Variants in ZNF680 observed in about 807,000 individuals in gnomAD.
ZNF680 encodes the protein hypothetical protein FLJ90430.
A neutral mutation model predicts 12.1 loss-of-function variants in ZNF680; 6 were observed. That is an observed-to-expected ratio of 0.49 (90% CI 0.27 to 0.98). The LOEUF (loss-of-function observed/expected upper bound fraction) is 0.98. ZNF680 is among the 50% of genes least tolerant of loss of function. ZNF680 has a pLI of 0.12. For synonymous variants in ZNF680, 170 were observed against 199.3 expected, an observed-to-expected ratio of 0.85 and a Z score of 1.24; for missense variants, 561 against 616.3, an observed-to-expected ratio of 0.91 and a Z score of 0.95.
chr7:64,521,939 C>A lies in ZNF680; in HGVS notation c.815G>T (p.Gly272Val). ...EEKPFKCEEC[G>V]KAFSLFSILS... is the part of the protein sequence containing the mutation. ...GATTGAGAATAAACTAAAGGCTTTG[C>A]CACATTCTTCACATTTGAAGGGTTT... Residue 272 changes from glycine (G) to valine (V), a missense_variant, in exon 4 of 4, where the codon GGC becomes GTC. Physicochemically the swap from Gly to Val is moderately radical, Grantham distance 109. Coordinates refer to ENST00000309683, the MANE Select transcript of ZNF680 (RefSeq NM_178558.5). The A allele has an allele frequency of 6.2e-7, 1 of 1,612,864 alleles. No homozygotes were observed. Among genetic ancestry groups the A allele is most frequent in the Non-Finnish European group, 8.5e-7 (1 of 1,179,524 alleles).
intron 3 of ZNF680, among the ~76,000 whole-genome samples, chr7:64,543,413 C>T (rs1333993670): frequency 6.6e-6 from 1 of 152,090 alleles, no homozygotes; most frequent in Admixed American, 6.6e-5. Context: ...TTGTGTGTCC[C>T]TAAAACAATG....
the ZNF680 span, among the ~76,000 whole-genome samples, chr7:64,514,702 C>T: frequency 6.6e-6 from 1 of 151,898 alleles, no homozygotes; most frequent in Non-Finnish European, 1.5e-5. Context: ...ACAAAATAAA[C>T]TAAACTAATA....
intron 2 of ZNF680, 183 bp downstream of exon 2, chr7:64,544,123 G>T: frequency 1.2e-6 from 1 of 828,496 alleles, no homozygotes; most frequent in Non-Finnish European, 1.8e-6. Context: ...AATGTGGAAA[G>T]TTCAGGTCAA....
chr7:64,547,998 G>C (rs1435895597), intron 1 of ZNF680, among the ~76,000 whole-genome samples: 4 of 152,084 alleles, frequency 2.6e-5, no homozygotes, highest in African/African-American at 9.7e-5. Flanking sequence ...CCTAAGTAAG[G>C]CCTCCAAAAA....
chr7:64,521,414 G>A lies in ZNF680; in HGVS notation c.1340C>T (p.Ser447Leu), dbSNP rs1235029861. Residue 447 changes from serine to leucine, a missense_variant, in exon 4 of 4, where the codon TCA becomes TTA. Transcript: ENST00000309683. ...EECGKGFTLF[S>L]TLTNHKVIHT... is the part of the protein sequence containing the mutation. ...AATTACTTTATGGTTAGTAAGGGTT[G>A]AAAATAAAGTAAAGCCTTTGCCACA... The A allele has an allele frequency of 5.0e-6, 8 of 1,613,474 alleles. No individual in the cohort carries two copies. In the Admixed American group the frequency reaches 5.0e-5, roughly 10 times the overall value.
chr7:64,499,666 C>T, the ZNF680 span, among the ~76,000 whole-genome samples: 1 of 152,110 alleles, frequency 6.6e-6, no homozygotes, highest in Non-Finnish European at 1.5e-5. Flanking sequence ...ATTGCTTGAA[C>T]CAAGGAGGTG....
intron 1 of ZNF680, among the ~76,000 whole-genome samples, chr7:64,547,461 C>A (rs567956089): frequency 1.3e-5 from 2 of 152,134 alleles, no homozygotes; most frequent in Non-Finnish European, 2.9e-5. Context: ...ACTAGCGTAA[C>A]GTTTATTAAG....
chr7:64,537,629 T>G (rs573634718), intron 3 of ZNF680, among the ~76,000 whole-genome samples: 1 of 152,036 alleles, frequency 6.6e-6, no homozygotes, highest in South Asian at 2.1e-4. Flanking sequence ...TATAAAGAGA[T>G]AAAAAACAGA....
At chr7:64,544,095 G>A in intron 2 of ZNF680, 2 of 674,428 alleles carry the variant, frequency 3.0e-6, no homozygotes, top group Non-Finnish European at 4.7e-6. Context: ...TAGAGTGAAG[G>A]ACATAGATCA....
At chr7:64,534,561 T>G (rs1268988398) in intron 3 of ZNF680, among the ~76,000 whole-genome samples, 2 of 152,140 alleles carry the variant, frequency 1.3e-5, no homozygotes, top group Admixed American at 1.3e-4. Flanking sequence ...ACACTGCTGG[T>G]GGGAATGTAA....
the ZNF680 span, among the ~76,000 whole-genome samples, chr7:64,509,608 A>G: frequency 2.0e-5 from 3 of 152,182 alleles, no homozygotes; most frequent in Admixed American, 2.0e-4. Context: ...CCTTCATTAA[A>G]AAATCTTGCC....
the ZNF680 span, among the ~76,000 whole-genome samples, chr7:64,508,142 T>TATATATATATATATATATATATATATAC: frequency 1.8e-3 from 199 of 112,082 alleles, 6 homozygotes; most frequent in East Asian, 0.013. Context: ...TATATATATA[T>TATATATATATATATATATATATATATAC]ACATAATTTT....
intron 3 of ZNF680, among the ~76,000 whole-genome samples, chr7:64,539,705 C>T (rs1786396798): frequency 6.6e-6 from 1 of 152,176 alleles, no homozygotes; most frequent in Admixed American, 6.5e-5. Flanking sequence ...AGCTGGAGTG[C>T]AGTGGCACAA....
the ZNF680 span, among the ~76,000 whole-genome samples, chr7:64,504,407 A>G: frequency 1.3e-5 from 2 of 152,162 alleles, no homozygotes; most frequent in Non-Finnish European, 2.9e-5. Flanking sequence ...ATTTATTGAT[A>G]ATATACAATT....
chr7:64,550,913 T>A (rs190069998), intron 1 of ZNF680, among the ~76,000 whole-genome samples: 109 of 152,286 alleles, frequency 7.2e-4, no homozygotes, highest in Non-Finnish European at 1.3e-3. Flanking sequence ...TTGGGAAATA[T>A]AATTAAAAGA....
rs1028388631 is a variant in ZNF680, at chr7:64,537,354, T to C, written c.253+6353A>G. 8.5e-4 allele frequency among the ~76,000 whole-genome samples: 129 copies of C among 152,068 alleles called. 2 individuals are homozygous for C. Among genetic ancestry groups the C allele is most frequent in the Non-Finnish European group, 2.2e-4 (15 of 68,028 alleles). ...ATTTAATTTAAAATAAAATAAAACA[T>C]ACTCTTTGACATAGTTTTGCTCAAG... On this transcript the variant is annotated intron_variant, in intron 3 of 3. Coordinates refer to ENST00000309683, the MANE Select transcript of ZNF680 (RefSeq NM_178558.5).
rs1791469505 is a variant in ZNF680, at chr7:64,520,466, A to C, written c.*695T>G. The C allele has an allele frequency of 6.6e-6, 1 of 151,820 alleles. No individual in the cohort carries two copies. Among genetic ancestry groups the C allele is most frequent in the Admixed American group, 6.6e-5 (1 of 15,238 alleles). 9.4% of individuals were successfully genotyped at this position (151,820 alleles called of 1,614,324 possible). ...ACACTCTGTTTTAGTGTAATGTCTA[A>C]AGTGTCAGTGCCTTAGTTATTTCTA... is the stretch of plus-strand genomic sequence containing the variant. On this transcript the variant is annotated 3_prime_UTR_variant, in exon 4 of 4. Coordinates refer to ENST00000309683, the MANE Select transcript of ZNF680 (RefSeq NM_178558.5).
Position 64,520,454 on chromosome 7 carries a change from G to A in ZNF680, c.*707C>T, listed in dbSNP as rs1791468860. On this transcript the variant is annotated 3_prime_UTR_variant, in exon 4 of 4. Coordinates refer to ENST00000309683, the MANE Select transcript of ZNF680 (RefSeq NM_178558.5). ...TTTTTATACTCAACACTCTGTTTTAGTGTAATGTCTAAAGTGTCAGTGCCT... is the reference window on the plus strand; with the variant it reads ...TTTTTATACTCAACACTCTGTTTTAATGTAATGTCTAAAGTGTCAGTGCCT... 6.6e-6 allele frequency: 1 copy of A among 151,572 alleles called. No individual in the cohort carries two copies. The allele number at this position is 151,572 out of a possible 1,614,324, so 9.4% of individuals were successfully genotyped here.
chr7:64,522,241 A>G lies in ZNF680; in HGVS notation c.513T>C (p.Ser171=). The change falls in exon 4 of 4, where the codon AGT becomes AGC. Residue 171 remains serine (S), a synonymous_variant. Coordinates refer to ENST00000309683, the MANE Select transcript of ZNF680 (RefSeq NM_178558.5). Reference sequence around the variant, plus strand: ...TCTTTCCAGTATTTCTTTTCTTATGACTGTTTGAATTTGAAAATTTATGAA... The same window carrying G: ...TCTTTCCAGTATTTCTTTTCTTATGGCTGTTTGAATTTGAAAATTTATGAA... ...KVFHKFSNSN[S]HKKRNTGKKV... The G allele has an allele frequency of 6.2e-7, 1 of 1,612,798 alleles. No individual in the cohort carries two copies. The highest frequency in any genetic ancestry group is 8.5e-7 in the Non-Finnish European group (1 of 1,179,302).
Sources: allele counts gnomAD v4.1 joint callset (sites outside exome capture counted in the v4.1 genomes callset), GRCh38; gene constraint gnomAD v4.1.1; transcripts MANE v1.5; gene names NCBI Gene and HGNC (gene_info 2026-07-23, HGNC 2026-07-21).